SPINK13: variants seen among roughly 807,000 people sequenced by gnomAD.
SPINK13 encodes the protein serine peptidase inhibitor Kazal type 13.
Under a neutral mutation model 11.0 loss-of-function variants are expected in SPINK13, and 11 were observed. That is an observed-to-expected ratio of 1.00 (90% CI 0.63 to 1.65). SPINK13 has a LOEUF of 1.65. Among genes scored for constraint, SPINK13 ranks in the 40% most tolerant of loss-of-function variants. The pLI is 0.00. For missense variants in SPINK13, 113 were observed against 117.7 expected (o/e 0.96, Z 0.19); for synonymous variants, 31 against 35.6 (o/e 0.87, Z 0.46).
chr5:148,282,614 C>T (rs758186816), intron 4 of SPINK13, among the ~76,000 whole-genome samples: 2 of 152,022 alleles, frequency 1.3e-5, no homozygotes, highest in African/African-American at 2.4e-5. Context: ...TGTTTGGTAG[C>T]TATTAAGAGA....
chr5:148,269,604 T>C (rs999807699), intron 1 of SPINK13, among the ~76,000 whole-genome samples: 1 of 152,164 alleles, frequency 6.6e-6, no homozygotes, highest in Non-Finnish European at 1.5e-5. Flanking sequence ...ATGTCCAAGA[T>C]TGTACAGGAC....
At chr5:148,280,980 C>T (rs549870179) in intron 3 of SPINK13, among the ~76,000 whole-genome samples, 1 of 152,280 alleles carries the variant, frequency 6.6e-6, no homozygotes, top group East Asian at 1.9e-4. Context: ...TGATGCCCTG[C>T]CCAGAGAGGA....
At chr5:148,281,200 TG>T (rs1193438181) in intron 3 of SPINK13, among the ~76,000 whole-genome samples, 17 of 152,284 alleles carry the variant, frequency 1.1e-4, no homozygotes, top group Middle Eastern at 3.4e-3. Context: ...TTCAAGCCAG[TG>T]GATCTTAGCT....
intron 2 of SPINK13, among the ~76,000 whole-genome samples, chr5:148,272,548 T>C (rs1756366522): frequency 6.6e-6 from 1 of 152,156 alleles, no homozygotes; most frequent in African/African-American, 2.4e-5. Context: ...TGTATATTTT[T>C]GAACTTCTTA....
At chr5:148,278,716 C>A (rs148322215) in intron 3 of SPINK13, among the ~76,000 whole-genome samples, 8,600 of 152,056 alleles carry the variant, frequency 0.057, 803 homozygotes, top group African/African-American at 0.2. Flanking sequence ...AGAATAAGTG[C>A]GATGTGGTGC....
At chr5:148,275,446 G>C (rs1029908913) in intron 3 of SPINK13, among the ~76,000 whole-genome samples, 1 of 152,126 alleles carries the variant, frequency 6.6e-6, no homozygotes, top group African/African-American at 2.4e-5. Flanking sequence ...ATAAACATAT[G>C]TGTGCATGTG....
At chr5:148,278,869 A>T (rs1200324664) in intron 3 of SPINK13, among the ~76,000 whole-genome samples, 1 of 152,146 alleles carries the variant, frequency 6.6e-6, no homozygotes, top group African/African-American at 2.4e-5. Context: ...GGGGTGTTAA[A>T]GTCTTCCACT....
At chr5:148,278,826 T>C (rs1478469484) in intron 3 of SPINK13, among the ~76,000 whole-genome samples, 1 of 152,230 alleles carries the variant, frequency 6.6e-6, no homozygotes, top group Non-Finnish European at 1.5e-5. Flanking sequence ...AATATCCTTG[T>C]TAACTTTCTG....
chr5:148,275,384 C>T lies in SPINK13; in HGVS notation c.108+1000C>T, dbSNP rs560376218. Among the ~76,000 whole-genome samples the T allele has an allele frequency of 3.7e-3, 570 of 152,156 alleles. 3 individuals are homozygous for T. Among genetic ancestry groups the T allele is most frequent in the African/African-American group, 0.013 (544 of 41,508 alleles). ...CACATTTTTTTATCCAGTCTATCAT[C>T]GATGGGCATTTGGGTTGGTTCCAAG... is the stretch of plus-strand genomic sequence containing the variant. On this transcript the variant is annotated intron_variant, in intron 3 of 4. Transcript: ENST00000398450.
chr5:148,279,637 G>A (rs932194880), intron 3 of SPINK13, among the ~76,000 whole-genome samples: 2 of 152,176 alleles, frequency 1.3e-5, no homozygotes, highest in African/African-American at 4.8e-5. Flanking sequence ...TAGAGTTTCT[G>A]CAGAGAGATC....
rs910772491 is a variant in SPINK13 at position 148,270,738 on chromosome 5, T to C, written c.70+596T>C. The C allele has an allele frequency of 6.9e-4, 105 of 152,466 alleles. 1 individual carries two copies. Among genetic ancestry groups the C allele is most frequent in the African/African-American group, 2.3e-3 (96 of 41,572 alleles). The allele number at this position is 152,466 out of a possible 1,614,324, so 9.4% of individuals were successfully genotyped here. A position where few individuals can be genotyped will look rare whatever the true frequency, so the allele number is the denominator to read the frequency against. On this transcript the variant is annotated intron_variant, in intron 2 of 4. Coordinates refer to ENST00000398450, the MANE Select transcript of SPINK13 (RefSeq NM_001040129.3). ...TGTAATTTAGTTAAGGATCCTAAGA[T>C]TGAAAAATTATACTGGACTATTCAG...
chr5:148,279,506 C>T (rs557353999), intron 3 of SPINK13, among the ~76,000 whole-genome samples: 34 of 152,060 alleles, frequency 2.2e-4, no homozygotes, highest in Non-Finnish European at 4.6e-4. Flanking sequence ...ATTTGCTTGT[C>T]TGTGAAAGAT....
chr5:148,282,241 GA>G lies in SPINK13; in HGVS notation c.236+12del. ...TTTGTGTTGAACAGAGGTAAGTTCA[GA>G]ATAAAATGCCATTATTTTTTCCCTC... is the stretch of plus-strand genomic sequence containing the variant. On this transcript the variant is annotated intron_variant, in intron 4 of 4. Coordinates refer to ENST00000398450, the MANE Select transcript of SPINK13 (RefSeq NM_001040129.3). 1 of 1,613,176 alleles carries G rather than the reference GA, an allele frequency of 6.2e-7. No individual in the cohort carries two copies. The highest frequency in any genetic ancestry group is 1.3e-5 in the African/African-American group (1 of 74,870).
intron 3 of SPINK13, among the ~76,000 whole-genome samples, chr5:148,281,288 T>C (rs187897513): frequency 6.6e-6 from 1 of 151,900 alleles, no homozygotes; most frequent in African/African-American, 2.4e-5. Flanking sequence ...TCCAGGTGAG[T>C]GAACAGTTCT....
intron 2 of SPINK13, among the ~76,000 whole-genome samples, chr5:148,272,717 A>G (rs181995933): frequency 1.3e-5 from 2 of 152,336 alleles, no homozygotes; most frequent in Admixed American, 1.3e-4. Context: ...TCTGTCTTTA[A>G]CAAATTAACT....
intron 4 of SPINK13, among the ~76,000 whole-genome samples, chr5:148,283,218 G>A (rs1756543492): frequency 6.6e-6 from 1 of 152,104 alleles, no homozygotes; most frequent in Non-Finnish European, 1.5e-5. Flanking sequence ...GGTCAGTCAG[G>A]TAGGCACAGA....
intron 3 of SPINK13, among the ~76,000 whole-genome samples, chr5:148,281,788 A>AC (rs1315979378): frequency 1.3e-5 from 2 of 152,214 alleles, no homozygotes; most frequent in Non-Finnish European, 2.9e-5. Context: ...CTGACCAATG[A>AC]CACTTGAGGT....
At position 148,279,843 on chromosome 5, in the gene SPINK13, G is replaced by A. The variant is rs189949602; in HGVS notation, c.109-2261G>A. Among the ~76,000 whole-genome samples the A allele has an allele frequency of 3.0e-4, 45 of 152,272 alleles. 1 individual carries two copies. The highest frequency in any genetic ancestry group is 1.0e-3 in the African/African-American group (42 of 41,550). Reference sequence around the variant, plus strand: ...TGTTGGCCTGTCTTGCTAGGTTGGGGAAGTTCTCCTGGATAATATATCCTG... The same window carrying A: ...TGTTGGCCTGTCTTGCTAGGTTGGGAAAGTTCTCCTGGATAATATATCCTG... On this transcript the variant is annotated intron_variant, in intron 3 of 4. Coordinates refer to ENST00000398450, the MANE Select transcript of SPINK13 (RefSeq NM_001040129.3).
chr5:148,272,541 A>G (rs1045649453), intron 2 of SPINK13, among the ~76,000 whole-genome samples: 1 of 152,084 alleles, frequency 6.6e-6, no homozygotes, highest in Non-Finnish European at 1.5e-5. Context: ...ATAGAAGTGT[A>G]TATTTTTGAA....
Sources: allele counts gnomAD v4.1 joint callset (sites outside exome capture counted in the v4.1 genomes callset), GRCh38; gene constraint gnomAD v4.1.1; transcripts MANE v1.5; gene names NCBI Gene and HGNC (gene_info 2026-07-23, HGNC 2026-07-21).